The following KICS2 variants were observed in gnomAD, a reference collection of about 807,000 sequenced individuals.
The protein encoded by KICS2 is KICSTOR complex protein C12orf66.
In KICS2, 13 loss-of-function variants were observed where a neutral mutation model predicts 31.4. That is an observed-to-expected ratio of 0.41 (90% CI 0.27 to 0.66). The LOEUF is 0.66. Among genes scored for constraint, KICS2 ranks in the 30% least tolerant of loss-of-function variants. The probability of loss-of-function intolerance (pLI) is 0.28; values close to 1 mark genes in which losing one functional copy is unlikely to be tolerated. For synonymous variants in KICS2, 209 were observed against 214.8 expected (o/e 0.97, Z 0.24); for missense variants, 455 against 545.4 (o/e 0.83, Z 1.65).
At position 64,222,251 on chromosome 12, in the gene KICS2, C is replaced by T. The variant is rs763124116; in HGVS notation, c.-14G>A. On this transcript the variant is annotated 5_prime_UTR_variant, in exon 1 of 3. Coordinates refer to ENST00000398055, the MANE Select transcript of KICS2 (RefSeq NM_152440.5). Reference sequence around the variant, plus strand: ...AGACTCCCCCATGCGAGCTGCGCCCCAGCTCGACCCACGTGGCTCTCCTCG... The same window carrying T: ...AGACTCCCCCATGCGAGCTGCGCCCTAGCTCGACCCACGTGGCTCTCCTCG... The T allele has an allele frequency of 9.3e-6, 15 of 1,612,322 alleles. No homozygotes were observed. The East Asian group carries it at 1.8e-4, about 19-fold the overall frequency.
Position 64,215,659 on chromosome 12 carries a change from CCCT to C in KICS2, c.521+16_521+18del, listed in dbSNP as rs1158466762. On this transcript the variant is annotated intron_variant, in intron 2 of 2. Transcript: ENST00000398055. ...GATAGGACAGCCACGCTTTCTCCCT[CCCT>C]CCTCCCCACACTGACCTGGAGCTGT... 6.3e-7 allele frequency: 1 copy of C among 1,596,570 alleles called. No homozygotes were observed. The highest frequency in any genetic ancestry group is 1.7e-5 in the Admixed American group (1 of 59,264).
At chr12:64,195,976 A>G (rs1233980590) in intron 2 of KICS2, among the ~76,000 whole-genome samples, 129 of 152,306 alleles carry the variant, frequency 8.5e-4, no homozygotes, top group Non-Finnish European at 1.7e-3. Context: ...GCTGATTGCT[A>G]GCACAGCAGT....
chr12:64,210,195 G>C (rs756027703), intron 2 of KICS2, among the ~76,000 whole-genome samples: 1 of 152,192 alleles, frequency 6.6e-6, no homozygotes, highest in Non-Finnish European at 1.5e-5. Context: ...CTCTAATTTA[G>C]ATCATTTTCA....
rs183579342 is a variant in KICS2, at chr12:64,202,946, C to T, written c.522-8288G>A. ...TTCTTCCTGATTCTTCAGGTCTCCT[C>T]GTCAGTCATTTCCCTAGAAAAGCTT... On this transcript the variant is annotated intron_variant, in intron 2 of 2. Coordinates refer to ENST00000398055, the MANE Select transcript of KICS2 (RefSeq NM_152440.5). 8.1e-3 allele frequency among the ~76,000 whole-genome samples: 1,227 copies of T among 152,158 alleles called. 18 individuals are homozygous for T. The highest frequency in any genetic ancestry group is 0.026 in the African/African-American group (1,099 of 41,506).
In KICS2 at chr12:64,193,762, T is replaced by C. The variant is rs1012967967; in HGVS notation, c.*80A>G. On this transcript the variant is annotated 3_prime_UTR_variant, in exon 3 of 3. Coordinates refer to ENST00000398055, the MANE Select transcript of KICS2 (RefSeq NM_152440.5). ...GAAAGAGGCATGAATGGATGTAAACTCTATTCACAGACCACCGTAGATCAT... is the reference window on the plus strand; with the variant it reads ...GAAAGAGGCATGAATGGATGTAAACCCTATTCACAGACCACCGTAGATCAT... The C allele has an allele frequency of 8.7e-6, 13 of 1,486,726 alleles. No homozygotes were observed. The highest frequency in any genetic ancestry group is 1.1e-5 in the Non-Finnish European group (12 of 1,120,144). 92.1% of individuals were successfully genotyped at this position (1,486,726 alleles called of 1,614,324 possible).
intron 1 of KICS2, among the ~76,000 whole-genome samples, chr12:64,218,300 A>G (rs960096067): frequency 3.3e-5 from 5 of 152,174 alleles, no homozygotes; most frequent in African/African-American, 1.2e-4. Flanking sequence ...ATAAAACCTA[A>G]AAGCTGTGGA....
At chr12:64,214,494 TG>T (rs2037610465) in intron 2 of KICS2, among the ~76,000 whole-genome samples, 1 of 152,208 alleles carries the variant, frequency 6.6e-6, no homozygotes. Flanking sequence ...ACCAAAACCC[TG>T]AAGCCTTTTT....
At chr12:64,214,974 G>A (rs1237355408) in intron 2 of KICS2, among the ~76,000 whole-genome samples, 1 of 151,982 alleles carries the variant, frequency 6.6e-6, no homozygotes, top group Admixed American at 6.6e-5. Context: ...TACTTTAAAA[G>A]GGACAATATT....
In KICS2 at chr12:64,192,459, G is replaced by T; in HGVS notation, c.*1383C>A. The T allele has an allele frequency of 3.2e-6, 1 of 307,924 alleles. No individual in the cohort carries two copies. The highest frequency in any genetic ancestry group is 4.7e-6 in the Non-Finnish European group (1 of 210,678). The allele number at this position is 307,924 out of a possible 1,614,324, so 19.1% of individuals were successfully genotyped here. On this transcript the variant is annotated 3_prime_UTR_variant, in exon 3 of 3. Coordinates refer to ENST00000398055, the MANE Select transcript of KICS2 (RefSeq NM_152440.5). ...TTCTTCTGCCAGGCAGTCCACCCTA[G>T]GTGGGCAGGCTTCCTACATGGACTC...
chr12:64,207,223 G>A (rs1168076476), intron 2 of KICS2, among the ~76,000 whole-genome samples: 8 of 140,630 alleles, frequency 5.7e-5, no homozygotes, highest in African/African-American at 2.1e-4. Context: ...AGAATTGCTT[G>A]AGCCCAGGAG....
intron 2 of KICS2, among the ~76,000 whole-genome samples, chr12:64,197,361 G>A (rs1219777316): frequency 2.1e-5 from 3 of 144,294 alleles, no homozygotes; most frequent in Admixed American, 7.0e-5. Context: ...AGCTTCATAA[G>A]TGAAGGAGAA....
chr12:64,208,506 C>G (rs1026724419), intron 2 of KICS2, among the ~76,000 whole-genome samples: 2 of 152,174 alleles, frequency 1.3e-5, no homozygotes, highest in African/African-American at 4.8e-5. Flanking sequence ...ACTAGTTTTG[C>G]TTGTGAAATT....
intron 2 of KICS2, among the ~76,000 whole-genome samples, chr12:64,196,853 A>G (rs899422441): frequency 6.6e-6 from 1 of 150,908 alleles, no homozygotes; most frequent in African/African-American, 2.5e-5. Context: ...GGTATCAGCG[A>G]TGGAAGATGA....
intron 2 of KICS2, among the ~76,000 whole-genome samples, chr12:64,204,007 T>A (rs1328976610): frequency 6.6e-6 from 1 of 152,038 alleles, no homozygotes; most frequent in African/African-American, 2.4e-5. Context: ...CTCAGCAAAC[T>A]AACATTAGTA....
intron 2 of KICS2, among the ~76,000 whole-genome samples, chr12:64,208,518 T>C (rs889575073): frequency 6.6e-6 from 1 of 152,208 alleles, no homozygotes; most frequent in Non-Finnish European, 1.5e-5. Flanking sequence ...TGTGAAATTT[T>C]CACTGAGCAA....
chr12:64,192,651 G>C lies in KICS2; in HGVS notation c.*1191C>G. The C allele has an allele frequency of 2.0e-6, 2 of 985,414 alleles. No homozygotes were observed. The highest frequency in any genetic ancestry group is 2.4e-6 in the Non-Finnish European group (2 of 829,938). 61.0% of individuals were successfully genotyped at this position (985,414 alleles called of 1,614,324 possible). On this transcript the variant is annotated 3_prime_UTR_variant, in exon 3 of 3. Coordinates refer to ENST00000398055, the MANE Select transcript of KICS2 (RefSeq NM_152440.5). Reference sequence around the variant, plus strand: ...AGTAACAACTCAATTACTCTTTGTGGCTTCTTTTTATTTTGAATCAATAAT... The same window carrying C: ...AGTAACAACTCAATTACTCTTTGTGCCTTCTTTTTATTTTGAATCAATAAT...
At chr12:64,202,496 TCTTA>T (rs1202841021) in intron 2 of KICS2, among the ~76,000 whole-genome samples, 1 of 151,944 alleles carries the variant, frequency 6.6e-6, no homozygotes, top group African/African-American at 2.4e-5. Flanking sequence ...TTCAATACTT[TCTTA>T]CTATGTACAA....
chr12:64,196,573 A>G (rs2037441569), intron 2 of KICS2, among the ~76,000 whole-genome samples: 1 of 151,862 alleles, frequency 6.6e-6, no homozygotes, highest in Admixed American at 6.6e-5. Context: ...ACAGTTCCTC[A>G]CCAGCAATGG....
In KICS2 at chr12:64,193,507, ATG is replaced by A. The variant is rs2136686369; in HGVS notation, c.*333_*334del. ...CTGTTTGGAATTGCAGTAGAACACA[ATG>A]TTTAGAACAACAGAAAAACATATGG... is the stretch of plus-strand genomic sequence containing the variant. On this transcript the variant is annotated 3_prime_UTR_variant, in exon 3 of 3. Transcript: ENST00000398055. 9.5e-7 allele frequency: 1 copy of A among 1,048,368 alleles called. No individual in the cohort carries two copies. Among genetic ancestry groups the A allele is most frequent in the East Asian group, 7.9e-5 (1 of 12,636 alleles). 64.9% of individuals were successfully genotyped at this position (1,048,368 alleles called of 1,614,324 possible).
Sources: allele counts gnomAD v4.1 joint callset (sites outside exome capture counted in the v4.1 genomes callset), GRCh38; gene constraint gnomAD v4.1.1; transcripts MANE v1.5; gene names NCBI Gene and HGNC (gene_info 2026-07-23, HGNC 2026-07-21).